Variants in PLCG2 observed in about 807,000 individuals in gnomAD.
The protein encoded by PLCG2 is 1-phosphatidylinositol 4,5-bisphosphate phosphodiesterase gamma-2.
A neutral mutation model predicts 175.6 loss-of-function variants in PLCG2; 69 were observed. That is an observed-to-expected ratio of 0.39 (90% CI 0.32 to 0.48). The LOEUF (loss-of-function observed/expected upper bound fraction) is 0.48, where lower values mean the gene tolerates loss of function less well. PLCG2 is among the 20% of genes least tolerant of loss of function. The pLI is 0.91. For synonymous variants in PLCG2, 827 were observed against 624.0 expected (o/e 1.33, Z -4.85); for missense variants, 1,798 against 1,650.9 (o/e 1.09, Z -1.54).
chr16:81,756,196 G>C (rs1052589569), intron 2 of PLCG2, among the ~76,000 whole-genome samples: 1 of 152,240 alleles, frequency 6.6e-6, no homozygotes, highest in African/African-American at 2.4e-5. Flanking sequence ...CCGTCGGGGA[G>C]GCCCAATGGA....
At chr16:81,874,834 G>T (rs1907688126) in intron 7 of PLCG2, among the ~76,000 whole-genome samples, 2 of 151,602 alleles carry the variant, frequency 1.3e-5, no homozygotes. Context: ...TCTCACGTTT[G>T]TGTCTCCCTG....
In PLCG2 at chr16:81,959,315, T is replaced by A; in HGVS notation, c.*1317T>A. On this transcript the variant is annotated 3_prime_UTR_variant, in exon 33 of 33. Coordinates refer to ENST00000564138, the MANE Select transcript of PLCG2 (RefSeq NM_002661.5). ...CTCTTGTTACCCGAAATGCTGGGCTTAGTATGCATGTACTGCTGAAAAGCA... is the reference window on the plus strand; with the variant it reads ...CTCTTGTTACCCGAAATGCTGGGCTAAGTATGCATGTACTGCTGAAAAGCA... 4.5e-6 allele frequency: 1 copy of A among 222,688 alleles called. No homozygotes were observed. Among genetic ancestry groups the A allele is most frequent in the Non-Finnish European group, 9.0e-6 (1 of 111,416 alleles). The allele number at this position is 222,688 out of a possible 1,614,324, so 13.8% of individuals were successfully genotyped here.
At position 81,802,093 on chromosome 16, in the gene PLCG2, C is replaced by CTTTTT. The variant is rs1157731599; in HGVS notation, c.193+15945_193+15949dup. On this transcript the variant is annotated intron_variant, in intron 2 of 32. Coordinates refer to ENST00000564138, the MANE Select transcript of PLCG2 (RefSeq NM_002661.5). ...GTTAGCTCCTTCAGGTGAGTACAGTCTTTTTTTTTTTTTTTTTTTTTTTTT... is the reference window on the plus strand; with the variant it reads ...GTTAGCTCCTTCAGGTGAGTACAGTCTTTTTTTTTTTTTTTTTTTTTTTTTTTTTT... 2.3e-3 allele frequency among the ~76,000 whole-genome samples: 93 copies of CTTTTT among 40,016 alleles called. 37 individuals carry two copies. Among genetic ancestry groups the CTTTTT allele is most frequent in the African/African-American group, 2.6e-3 (28 of 10,686 alleles). 26.3% of individuals were successfully genotyped at this position (40,016 alleles called of 152,430 possible).
intron 31 of PLCG2, among the ~76,000 whole-genome samples, chr16:81,953,672 A>G (rs1281443157): frequency 6.6e-6 from 1 of 152,198 alleles, no homozygotes; most frequent in Non-Finnish European, 1.5e-5. Flanking sequence ...CTTTCTCTTG[A>G]CTAGAGTGGT....
At chr16:81,776,400 C>T (rs538888302), upstream of PLCG2, among the ~76,000 whole-genome samples, 11 of 152,038 alleles carry the variant, frequency 7.2e-5, no homozygotes, top group East Asian at 3.9e-4. Flanking sequence ...TGAGCCACCG[C>T]GCCCGGCTCA....
intron 2 of PLCG2, among the ~76,000 whole-genome samples, chr16:81,757,521 G>C (rs901821637): frequency 1.7e-4 from 26 of 151,840 alleles, no homozygotes; most frequent in African/African-American, 6.3e-4. Context: ...CCGAGAAAGC[G>C]CCACTGTACT....
At chr16:81,896,732 G>A (rs1228900433) in intron 13 of PLCG2, among the ~76,000 whole-genome samples, 1 of 152,190 alleles carries the variant, frequency 6.6e-6, no homozygotes, top group Non-Finnish European at 1.5e-5. Context: ...TAATGGTGGT[G>A]GTGTGTTTTT....
intron 2 of PLCG2, among the ~76,000 whole-genome samples, chr16:81,806,802 G>C (rs1259242814): frequency 1.3e-5 from 2 of 151,512 alleles, no homozygotes; most frequent in Admixed American, 6.6e-5. Context: ...TAAGTGTTTT[G>C]AGGGCTTCAG....
chr16:81,861,094 C>T (rs1162922563), intron 5 of PLCG2, among the ~76,000 whole-genome samples: 1 of 152,106 alleles, frequency 6.6e-6, no homozygotes, highest in African/African-American at 2.4e-5. Context: ...ATTGAACAAC[C>T]GTGTATTTGG....
intron 2 of PLCG2, among the ~76,000 whole-genome samples, chr16:81,841,496 C>T (rs544808000): frequency 1.3e-5 from 2 of 152,148 alleles, no homozygotes; most frequent in Admixed American, 6.5e-5. Flanking sequence ...CCACTTCGGC[C>T]TCCCAAGGTG....
intron 2 of PLCG2, among the ~76,000 whole-genome samples, chr16:81,824,019 C>CTTTCT: frequency 3.3e-5 from 1 of 29,868 alleles, no homozygotes; most frequent in Non-Finnish European, 6.3e-5. Context: ...CTTTCCTTTC[C>CTTTCT]TTTCCTTTCC....
chr16:81,820,450 T>G (rs1314950687), intron 2 of PLCG2, among the ~76,000 whole-genome samples: 1 of 152,258 alleles, frequency 6.6e-6, no homozygotes, highest in African/African-American at 2.4e-5. Flanking sequence ...CGACTTCTTT[T>G]GTGTGATGTT....
At chr16:81,758,040 A>G (rs1476557131) in intron 2 of PLCG2, among the ~76,000 whole-genome samples, 3 of 152,040 alleles carry the variant, frequency 2.0e-5, no homozygotes, top group African/African-American at 7.2e-5. Flanking sequence ...CAGTGGTGTG[A>G]TCTCAGCTCT....
intron 2 of PLCG2, among the ~76,000 whole-genome samples, chr16:81,804,196 T>C (rs191871618): frequency 7.9e-4 from 120 of 152,342 alleles, no homozygotes; most frequent in African/African-American, 2.7e-3. Flanking sequence ...AACTTCCCCA[T>C]GTCCTCGCCA....
At chr16:81,946,340 T>C (rs1911148471) in intron 31 of PLCG2, 77 bp downstream of exon 31, 1 of 1,007,348 alleles carries the variant, frequency 9.9e-7, no homozygotes, top group South Asian at 1.3e-5. Flanking sequence ...GTGAATACAA[T>C]TGGCAGATGG....
At chr16:81,828,486 T>G (rs1162787534) in intron 2 of PLCG2, among the ~76,000 whole-genome samples, 2 of 151,964 alleles carry the variant, frequency 1.3e-5, no homozygotes, top group African/African-American at 4.8e-5. Context: ...GATCCACCCA[T>G]CTCGGCCTCC....
At position 81,960,469 on chromosome 16, in the gene PLCG2, T is replaced by C. The variant is rs1480065276; in HGVS notation, c.*2471T>C. ...TTTCCTAAGTGTGTTATTTAGAATA[T>C]TGGTTATTACAAGGAAAAATAAAGT... is the stretch of plus-strand genomic sequence containing the variant. On this transcript the variant is annotated 3_prime_UTR_variant, in exon 33 of 33. Transcript: ENST00000564138. 8.7e-6 allele frequency: 2 copies of C among 229,538 alleles called. No individual in the cohort carries two copies. The highest frequency in any genetic ancestry group is 1.7e-5 in the Non-Finnish European group (2 of 115,830). 14.2% of individuals were successfully genotyped at this position (229,538 alleles called of 1,614,324 possible).
At chr16:81,837,885 C>T (rs1024528160) in intron 2 of PLCG2, among the ~76,000 whole-genome samples, 1 of 152,118 alleles carries the variant, frequency 6.6e-6, no homozygotes, top group South Asian at 2.1e-4. Flanking sequence ...TCACAACATT[C>T]ATAGAACCCA....
At chr16:81,799,910 A>G (rs1335660038) in intron 2 of PLCG2, among the ~76,000 whole-genome samples, 1 of 152,120 alleles carries the variant, frequency 6.6e-6, no homozygotes, top group Non-Finnish European at 1.5e-5. Context: ...AACTATTTTA[A>G]ATGTCGATGT....
Sources: allele counts gnomAD v4.1 joint callset (sites outside exome capture counted in the v4.1 genomes callset), GRCh38; gene constraint gnomAD v4.1.1; transcripts MANE v1.5; gene names NCBI Gene and HGNC (gene_info 2026-07-23, HGNC 2026-07-21).